Variants in CBARP observed in about 807,000 individuals in gnomAD.
The protein encoded by CBARP is voltage-dependent calcium channel beta subunit-associated regulatory protein.
Under a neutral mutation model 36.3 loss-of-function variants are expected in CBARP, and 24 were observed. The ratio of observed to expected loss-of-function variants is 0.66; its 90% CI spans 0.48 to 0.93. The LOEUF (loss-of-function observed/expected upper bound fraction) is 0.93, where lower values mean the gene tolerates loss of function less well. Ranked by LOEUF, CBARP falls within the 40% of genes least tolerant of loss-of-function variation. The pLI, the probability that CBARP is intolerant of heterozygous loss-of-function variation, is 0.00. For synonymous variants in CBARP, 586 were observed against 453.2 expected, an observed-to-expected ratio of 1.29 and a Z score of -3.72; for missense variants, 1,146 against 980.4, an observed-to-expected ratio of 1.17 and a Z score of -2.26.
chr19:1,233,463 C>T lies in CBARP; in HGVS notation c.942G>A (p.Leu314=), dbSNP rs1292224913. ...GACTGGCTGCCCGCTGGCTGGGCTC[C>T]AGCTTCCACTTCTTGACCTTGAAAT... The part of the protein sequence containing the change: ...SPYFKVKKWK[L]EPSQRAASLD... Residue 314 remains leucine (L), a synonymous_variant, in exon 8 of 10, where the codon CTG becomes CTA. Transcript: ENST00000650044. 4 of 1,601,400 alleles carry T rather than the reference C, an allele frequency of 2.5e-6. No individual in the cohort carries two copies. Among genetic ancestry groups the T allele is most frequent in the Non-Finnish European group, 3.4e-6 (4 of 1,174,632 alleles).
intron 9 of CBARP, chr19:1,230,488 G>A: frequency 1.2e-5 from 12 of 1,005,850 alleles, no homozygotes; most frequent in Non-Finnish European, 1.4e-5. Context: ...GGATGGACTG[G>A]ACGCGGTTGA....
Position 1,229,185 on chromosome 19 carries a change from C to G in CBARP, c.2112G>C (p.Pro704=). The G allele has an allele frequency of 8.6e-7, 1 of 1,159,562 alleles. No homozygotes were observed. Among genetic ancestry groups the G allele is most frequent in the South Asian group, 1.5e-5 (1 of 65,654 alleles). 71.8% of individuals were successfully genotyped at this position (1,159,562 alleles called of 1,614,324 possible). A position where few individuals can be genotyped will look rare whatever the true frequency, so the allele number is the denominator to read the frequency against. Residue 704 remains proline, a synonymous_variant, in exon 10 of 10, where the codon CCG becomes CCC. Transcript: ENST00000650044. This position sits in a 1 kb window ranked among gnomAD's most constrained non-coding sequence, Gnocchi z 5.1. ...TGGGCCCAGGACGCGGGACTTAGGC[C>G]GGGCTGTGGTCGGGGGACGTGGGGG... ...AAAPTSPDHS[P]A
In CBARP at chr19:1,230,070, C is replaced by T. The variant is rs952378151; in HGVS notation, c.1227G>A (p.Gly409=). 7.2e-5 allele frequency: 82 copies of T among 1,135,622 alleles called. No individual in the cohort carries two copies. The highest frequency in any genetic ancestry group is 8.6e-5 in the Non-Finnish European group (79 of 916,050). 70.3% of individuals were successfully genotyped at this position (1,135,622 alleles called of 1,614,324 possible). Residue 409 remains glycine, a synonymous_variant, in exon 10 of 10, where the codon GGG becomes GGA. Transcript: ENST00000650044. ...CCAGTGGCGGCTGCTGCTGCTCAGGCCCCGCGCTGCCCGCGCCGCGCTCCG... is the reference window on the plus strand; with the variant it reads ...CCAGTGGCGGCTGCTGCTGCTCAGGTCCCGCGCTGCCCGCGCCGCGCTCCG... The part of the protein sequence containing the change: ...SPPERGAGSA[G]PEQQQPPLEP...
At chr19:1,232,848 A>T (rs534562545) in intron 8 of CBARP, among the ~76,000 whole-genome samples, 2 of 152,302 alleles carry the variant, frequency 1.3e-5, no homozygotes, top group African/African-American at 4.8e-5. Context: ...TAACCCCACG[A>T]ACACCACCAT....
chr19:1,234,169 G>T, intron 7 of CBARP, 22 bp downstream of exon 7: 1 of 1,496,042 alleles, frequency 6.7e-7, no homozygotes, highest in East Asian at 2.4e-5. Flanking sequence ...GGACACCATG[G>T]GGGACACGCA....
Position 1,235,052 on chromosome 19 carries a change from T to C in CBARP, c.404A>G (p.Asn135Ser). Residue 135 changes from asparagine (N) to serine (S), a missense_variant, in exon 5 of 10, where the codon AAT (asparagine) becomes AGT (serine). Transcript: ENST00000650044. ...TSSTGRRVSF[N>S]EAALFEQSRK... is the part of the protein sequence containing the mutation. Reference sequence around the variant, plus strand: ...GCTCTGCTCAAACAGCGCCGCCTCATTGAAGGAGACCCGGCGGCCCGTGGA... The same window carrying C: ...GCTCTGCTCAAACAGCGCCGCCTCACTGAAGGAGACCCGGCGGCCCGTGGA... 6.2e-7 allele frequency: 1 copy of C among 1,611,420 alleles called. No homozygotes were observed. Among genetic ancestry groups the C allele is most frequent in the Middle Eastern group, 1.7e-4 (1 of 5,892 alleles).
rs1030669746 is a variant in CBARP at position 1,229,439 on chromosome 19, C to T, written c.1858G>A (p.Asp620Asn). 5.3e-5 allele frequency: 52 copies of T among 988,050 alleles called. No individual in the cohort carries two copies. The highest frequency in any genetic ancestry group is 5.8e-5 in the Non-Finnish European group (48 of 832,410). The allele number at this position is 988,050 out of a possible 1,614,324, so 61.2% of individuals were successfully genotyped here. ...CCGTCGGGCGGGCCGTCCACGCTGT[C>T]GCCGCGCCGCAAGGGCGCACGCGCG... ...RPARAPLRRG[D>N]SVDGPPDGRT... The change falls in exon 10 of 10, where the codon GAC becomes AAC. Residue 620 changes from aspartate to asparagine, a missense_variant. Coordinates refer to ENST00000650044, the MANE Select transcript of CBARP (RefSeq NM_001393918.1). This position sits in a 1 kb window ranked among gnomAD's most constrained non-coding sequence, Gnocchi z 5.1.
Position 1,229,703 on chromosome 19 carries a change from AGGCGCGCGGGCTGCGGGGCCG to A in CBARP, c.1573_1593del (p.Arg525_Ala531del). On this transcript the variant is annotated inframe_deletion, in exon 10 of 10. Transcript: ENST00000650044. The surrounding 1 kb of genome is among the most constrained non-coding windows in gnomAD (Gnocchi z 5.1). ...TAGTCGCGGCGCGGGCGGCGGGGCC[AGGCGCGCGGGCTGCGGGGCCG>A]GGCGGGCGCGGCAGGTGGCTCGGTG... 1 of 992,790 alleles carries A rather than the reference AGGCGCGCGGGCTGCGGGGCCG, an allele frequency of 1.0e-6. No individual in the cohort carries two copies. Among genetic ancestry groups the A allele is most frequent in the South Asian group, 3.3e-5 (1 of 30,020 alleles). The allele number at this position is 992,790 out of a possible 1,614,324, so 61.5% of individuals were successfully genotyped here.
chr19:1,235,134 G>C lies in CBARP; in HGVS notation c.322C>G (p.Arg108Gly), dbSNP rs747254656. 1 of 1,587,252 alleles carries C rather than the reference G, an allele frequency of 6.3e-7. No homozygotes were observed. The highest frequency in any genetic ancestry group is 2.3e-5 in the East Asian group (1 of 43,364). ...TCCTGGCACTCGGGGTCCTCTCCCCGGAAGTCGGGGTCTGCGTGGAGAGGC... is the reference window on the plus strand; with the variant it reads ...TCCTGGCACTCGGGGTCCTCTCCCCCGAAGTCGGGGTCTGCGTGGAGAGGC... ...GTHPAQDPDF[R>G]GEDPECQDAE... is the part of the protein sequence containing the mutation. The change falls in exon 5 of 10, where the codon CGG becomes GGG. Residue 108 changes from arginine (R) to glycine (G), a missense_variant. Arg to Gly is a moderately radical substitution (Grantham distance 125). Transcript: ENST00000650044.
chr19:1,231,150 AGGCCACGGCGTCGCCCGCCCG>A lies in CBARP; in HGVS notation c.1084_1104del (p.Arg362_Ala368del). 6.2e-7 allele frequency: 1 copy of A among 1,600,748 alleles called. No individual in the cohort carries two copies. ...GCCAGAAAGGGGCGGGGGTGCGGGA[AGGCCACGGCGTCGCCCGCCCG>A]GGCAATGTACTGGATGAAGTCCTCC... is the stretch of plus-strand genomic sequence containing the variant. On this transcript the variant is annotated inframe_deletion, in exon 9 of 10. Coordinates refer to ENST00000650044, the MANE Select transcript of CBARP (RefSeq NM_001393918.1).
In CBARP at chr19:1,235,088, A is replaced by G. The variant is rs1273078494; in HGVS notation, c.368T>C (p.Leu123Pro). 1.9e-6 allele frequency: 3 copies of G among 1,609,144 alleles called. No individual in the cohort carries two copies. Among genetic ancestry groups the G allele is most frequent in the Non-Finnish European group, 2.5e-6 (3 of 1,178,330 alleles). The part of the protein sequence containing the change: ...ECQDAETERF[L>P]STSSTGRRVS... ...CCGGCGGCCCGTGGAGCTGGTGGAC[A>G]GGAAGCGTTCGGTCTCCGCATCCTG... is the stretch of plus-strand genomic sequence containing the variant. Residue 123 changes from leucine to proline, a missense_variant, in exon 5 of 10, where the codon CTG becomes CCG. Physicochemically the swap from Leu to Pro is moderately conservative, Grantham distance 98. Coordinates refer to ENST00000650044, the MANE Select transcript of CBARP (RefSeq NM_001393918.1).
At position 1,234,747 on chromosome 19, in the gene CBARP, G is replaced by A. The variant is rs765383534; in HGVS notation, c.456-5C>T. On this transcript the variant is annotated splice_polypyrimidine_tract_variant and splice_region_variant and intron_variant, in intron 5 of 9. Coordinates refer to ENST00000650044, the MANE Select transcript of CBARP (RefSeq NM_001393918.1). The stretch of plus-strand genomic sequence containing the variant: ...TCCCCCTCCGTCAGTGTGTACCTGC[G>A]ACAGCATCTGGCCATCAGAGCCCGC... The A allele has an allele frequency of 2.5e-6, 4 of 1,611,518 alleles. No individual in the cohort carries two copies. The highest frequency in any genetic ancestry group is 3.4e-6 in the Non-Finnish European group (4 of 1,179,186).
At chr19:1,236,646 G>T (rs1044727648) in intron 1 of CBARP, among the ~76,000 whole-genome samples, 2 of 152,078 alleles carry the variant, frequency 1.3e-5, no homozygotes, top group African/African-American at 4.8e-5. Context: ...GGAGGGTGCA[G>T]GGGCTGGGCG....
intron 9 of CBARP, 59 bp from the exon 10 acceptor site, chr19:1,230,201 G>T (rs1337217785): frequency 1.0e-6 from 1 of 994,834 alleles, no homozygotes; most frequent in Non-Finnish European, 1.2e-6. Context: ...TACCCGGCCG[G>T]CCATCCCGCC....
Position 1,229,328 on chromosome 19 carries a change from G to C in CBARP, c.1969C>G (p.Leu657Val), listed in dbSNP as rs1308545199. 1.6e-6 allele frequency: 2 copies of C among 1,226,188 alleles called. No homozygotes were observed. Among genetic ancestry groups the C allele is most frequent in the South Asian group, 2.7e-5 (2 of 74,458 alleles). 76.0% of individuals were successfully genotyped at this position (1,226,188 alleles called of 1,614,324 possible). ...ACCGACCCGGATGGTAGGACGCACA[G>C]GCCCGAGCCGGGGCACCCCCCGCCG... Reference protein sequence around the residue: ...PGGGGCPGSGLCVLPSGSVLD... With the variant: ...PGGGGCPGSGVCVLPSGSVLD... The change falls in exon 10 of 10, where the codon CTG becomes GTG. Residue 657 changes from leucine (L) to valine (V), a missense_variant. Transcript: ENST00000650044. This position sits in a 1 kb window ranked among gnomAD's most constrained non-coding sequence, Gnocchi z 5.1.
chr19:1,237,410 G>C (rs1281511535), intron 1 of CBARP, among the ~76,000 whole-genome samples: 3 of 152,154 alleles, frequency 2.0e-5, no homozygotes, highest in Admixed American at 6.5e-5. Context: ...CCTGGGGGAG[G>C]CGGCTGCGGG....
Position 1,228,333 on chromosome 19 carries a change from C to G in CBARP, c.*846G>C, listed in dbSNP as rs886054225. 45 of 252,786 alleles carry G rather than the reference C, an allele frequency of 1.8e-4. No individual in the cohort carries two copies. The highest frequency in any genetic ancestry group is 9.2e-4 in the African/African-American group (42 of 45,720). 15.7% of individuals were successfully genotyped at this position (252,786 alleles called of 1,614,324 possible). ...ATCCAGAAAAGAAAAACACGAGAAA[C>G]GCCATCGCGGGATGGTGCAGACGCG... is the stretch of plus-strand genomic sequence containing the variant. On this transcript the variant is annotated 3_prime_UTR_variant, in exon 10 of 10. Coordinates refer to ENST00000650044, the MANE Select transcript of CBARP (RefSeq NM_001393918.1).
intron 8 of CBARP, among the ~76,000 whole-genome samples, chr19:1,232,025 G>C (rs1225106865): frequency 6.6e-6 from 1 of 152,076 alleles, no homozygotes; most frequent in African/African-American, 2.4e-5. Flanking sequence ...GGGCCAACGA[G>C]GAGAGGGAGA....
At position 1,233,566 on chromosome 19, in the gene CBARP, G is replaced by C; in HGVS notation, c.839C>G (p.Pro280Arg). 3 of 1,609,634 alleles carry C rather than the reference G, an allele frequency of 1.9e-6. No homozygotes were observed. Among genetic ancestry groups the C allele is most frequent in the Non-Finnish European group, 2.5e-6 (3 of 1,178,808 alleles). ...GAAAGPGEAG[P>R]GSGAGTVLQF... is the part of the protein sequence containing the mutation. ...CAGAACGGTACCTGCCCCGGATCCC[G>C]GGCCCGCCTCCCCAGGCCCTGCTGC... The change falls in exon 8 of 10, where the codon CCG (proline) becomes CGG (arginine). Residue 280 changes from proline (P) to arginine (R), a missense_variant. Pro to Arg is a moderately radical substitution (Grantham distance 103). Coordinates refer to ENST00000650044, the MANE Select transcript of CBARP (RefSeq NM_001393918.1).
Sources: gnomAD v4.1 joint callset for allele counts (sites outside exome capture counted in the v4.1 genomes callset) on GRCh38, gnomAD v4.1.1 for gene constraint, Gnocchi (gnomAD v3.1) non-coding constraint, MANE v1.5 for transcripts, NCBI Gene and HGNC (gene_info 2026-07-23, HGNC 2026-07-21) for gene names.